ZNF667: variants seen among roughly 807,000 people sequenced by gnomAD.
ZNF667 encodes myocardial ischemic preconditioning upregulated 1 ortholog.
In ZNF667, 13 loss-of-function variants were observed where a neutral mutation model predicts 31.8. That is an observed-to-expected ratio of 0.41 (90% CI 0.27 to 0.65). The LOEUF (loss-of-function observed/expected upper bound fraction) is 0.65, where lower values mean the gene tolerates loss of function less well. Among genes scored for constraint, ZNF667 ranks in the 30% least tolerant of loss-of-function variants. ZNF667 has a pLI of 0.32. For missense variants in ZNF667, 642 were observed against 725.6 expected (o/e 0.88, Z 1.32); for synonymous variants, 228 against 247.1 (o/e 0.92, Z 0.73).
chr19:56,443,515 G>A (rs974098585), intron 6 of ZNF667, among the ~76,000 whole-genome samples: 6 of 152,104 alleles, frequency 3.9e-5, no homozygotes, highest in South Asian at 2.1e-4. Flanking sequence ...TGTACATGAC[G>A]TTACTGTATT....
intron 6 of ZNF667, 96 bp downstream of exon 6, chr19:56,458,059 G>C: frequency 2.7e-6 from 3 of 1,092,870 alleles, no homozygotes; most frequent in Non-Finnish European, 4.2e-6. Flanking sequence ...ACTGTGAGAA[G>C]TAGATTTCTG....
intron 6 of ZNF667, chr19:56,449,676 C>G: frequency 7.1e-6 from 1 of 140,882 alleles, no homozygotes; most frequent in Non-Finnish European, 1.5e-5. Flanking sequence ...CAGAGAGAAA[C>G]TCTGTCTCAA....
In ZNF667 at chr19:56,441,375, T is replaced by G; in HGVS notation, c.1620A>C (p.Thr540=). 3 of 1,614,202 alleles carry G rather than the reference T, an allele frequency of 1.9e-6. No homozygotes were observed. ...GACTTCTTTCATGTAGAATAAGAGATGTGCGCTGACTAAAGGCCTTACCAC... is the reference window on the plus strand; with the variant it reads ...GACTTCTTTCATGTAGAATAAGAGAGGTGCGCTGACTAAAGGCCTTACCAC... ...KTCGKAFSQR[T]SLILHERSHT... The change falls in exon 7 of 7, where the codon ACA becomes ACC. Residue 540 remains threonine, a synonymous_variant. Coordinates refer to ENST00000504904, the MANE Select transcript of ZNF667 (RefSeq NM_001321356.2). The surrounding 1 kb of genome is among the most constrained non-coding windows in gnomAD (Gnocchi z 4.2).
intron 6 of ZNF667, among the ~76,000 whole-genome samples, chr19:56,447,683 C>T (rs1005246881): frequency 6.6e-6 from 1 of 152,172 alleles, no homozygotes; most frequent in Non-Finnish European, 1.5e-5. Flanking sequence ...GAGTTCAAGA[C>T]TATCCTGACC....
At chr19:56,446,555 A>G (rs923166309) in intron 6 of ZNF667, among the ~76,000 whole-genome samples, 10 of 152,196 alleles carry the variant, frequency 6.6e-5, no homozygotes, top group African/African-American at 2.4e-4. Flanking sequence ...CACATAGTAT[A>G]TGACCTGTTC....
In ZNF667 at chr19:56,440,469, G is replaced by A. The variant is rs1439040391; in HGVS notation, c.*693C>T. The A allele has an allele frequency of 3.9e-5, 20 of 514,712 alleles. No homozygotes were observed. Among genetic ancestry groups the A allele is most frequent in the Non-Finnish European group, 5.0e-5 (20 of 400,152 alleles). 31.9% of individuals were successfully genotyped at this position (514,712 alleles called of 1,614,324 possible). A position where few individuals can be genotyped will look rare whatever the true frequency, so the allele number is the denominator to read the frequency against. Reference sequence around the variant, plus strand: ...TCAGCTGAAAGTGGCACCCTGTTTTGCCGAGAAGTTCCTTATATTTGATAA... The same window carrying A: ...TCAGCTGAAAGTGGCACCCTGTTTTACCGAGAAGTTCCTTATATTTGATAA... On this transcript the variant is annotated 3_prime_UTR_variant, in exon 7 of 7. Coordinates refer to ENST00000504904, the MANE Select transcript of ZNF667 (RefSeq NM_001321356.2).
At chr19:56,469,922 C>A in intron 3 of ZNF667, 1 of 493,270 alleles carries the variant, frequency 2.0e-6, no homozygotes, top group Admixed American at 2.1e-5. Flanking sequence ...ACCCACTAAA[C>A]CGGGGTAGGG....
intron 3 of ZNF667, among the ~76,000 whole-genome samples, chr19:56,467,427 A>G (rs2043187034): frequency 6.6e-6 from 1 of 152,292 alleles, no homozygotes; most frequent in South Asian, 2.1e-4. Flanking sequence ...CACCACAACA[A>G]TCCATGACCA....
At chr19:56,470,434 T>G (rs2043267593) in intron 3 of ZNF667, among the ~76,000 whole-genome samples, 1 of 152,170 alleles carries the variant, frequency 6.6e-6, no homozygotes, top group Admixed American at 6.5e-5. Context: ...TCCTTTAACC[T>G]TGAATGGCAA....
chr19:56,455,139 A>G (rs1369465997), intron 6 of ZNF667, among the ~76,000 whole-genome samples: 1 of 152,196 alleles, frequency 6.6e-6, no homozygotes, highest in Non-Finnish European at 1.5e-5. Flanking sequence ...ATCTCACCCC[A>G]GTTAAAATGA....
chr19:56,461,890 C>A (rs2043052143), intron 4 of ZNF667, among the ~76,000 whole-genome samples: 1 of 152,210 alleles, frequency 6.6e-6, no homozygotes, highest in Admixed American at 6.5e-5. Flanking sequence ...AAGAGATTTC[C>A]TCCATGTAAA....
chr19:56,441,979 A>C lies in ZNF667; in HGVS notation c.1016T>G (p.Phe339Cys). 1.2e-6 allele frequency: 2 copies of C among 1,614,008 alleles called. No homozygotes were observed. The highest frequency in any genetic ancestry group is 1.7e-6 in the Non-Finnish European group (2 of 1,179,946). The change falls in exon 7 of 7, where the codon TTT (phenylalanine) becomes TGT (cysteine). Residue 339 changes from phenylalanine (F) to cysteine (C), a missense_variant. Physicochemically the swap from Phe to Cys is radical, Grantham distance 205 (BLOSUM62 -2). Coordinates refer to ENST00000504904, the MANE Select transcript of ZNF667 (RefSeq NM_001321356.2). The surrounding 1 kb of genome is among the most constrained non-coding windows in gnomAD (Gnocchi z 4.2). ...AAGCATCAGGGGTGAAATCCTATTA[A>C]ATAATTTCCCACATTTTCTGCATTT... ...PFKCRKCGKL[F>C]NRISPLMLHQ...
chr19:56,469,341 G>T (rs1237181227), intron 3 of ZNF667, among the ~76,000 whole-genome samples: 1 of 152,178 alleles, frequency 6.6e-6, no homozygotes. Context: ...GCGGCCCCCA[G>T]TGGTGGTAAA....
intron 6 of ZNF667, among the ~76,000 whole-genome samples, chr19:56,445,194 T>C (rs1346611253): frequency 9.8e-3 from 6 of 614 alleles, no homozygotes; most frequent in Admixed American, 0.012. Flanking sequence ...TGGTGAGAAA[T>C]CCACCCCCAT....
intron 3 of ZNF667, among the ~76,000 whole-genome samples, chr19:56,462,861 T>C (rs1195340324): frequency 6.6e-6 from 1 of 152,028 alleles, no homozygotes; most frequent in Non-Finnish European, 1.5e-5. Context: ...CTATGAAGAA[T>C]AAACAGGCCA....
At chr19:56,468,035 T>TG (rs1412643512) in intron 3 of ZNF667, 1 of 152,214 alleles carries the variant, frequency 6.6e-6, no homozygotes, top group Non-Finnish European at 1.5e-5. Flanking sequence ...AGTCCTGCCT[T>TG]GGTCTTCCTG....
rs758970811 is a variant in ZNF667 at position 56,442,051 on chromosome 19, A to G, written c.944T>C (p.Leu315Ser). 6 of 1,614,170 alleles carry G rather than the reference A, an allele frequency of 3.7e-6. No individual in the cohort carries two copies. The highest frequency in any genetic ancestry group is 1.7e-5 in the Admixed American group (1 of 60,032). ...GEKIPENAKA[L>S]SQSLQQRSHH... ...ACTTCTTTGCTGTAGACTCTGACTT[A>G]AGGCCTTCGCATTTTCAGGGATTTT... is the stretch of plus-strand genomic sequence containing the variant. Residue 315 changes from leucine (L) to serine (S), a missense_variant, in exon 7 of 7, where the codon TTA becomes TCA. Leu to Ser is a moderately radical substitution (Grantham distance 145). Transcript: ENST00000504904.
intron 3 of ZNF667, among the ~76,000 whole-genome samples, chr19:56,464,586 T>C (rs2043119411): frequency 6.6e-6 from 1 of 152,372 alleles, no homozygotes; most frequent in Admixed American, 6.5e-5. Context: ...TGTAAAATTA[T>C]CAGCCTCACA....
At chr19:56,467,105 T>C (rs1030429322) in intron 3 of ZNF667, 2 of 455,638 alleles carry the variant, frequency 4.4e-6, no homozygotes, top group East Asian at 7.0e-5. Context: ...AGGTGAGCCA[T>C]GGTCCAGGAG....
Sources: gnomAD v4.1 joint callset for allele counts (sites outside exome capture counted in the v4.1 genomes callset) on GRCh38, gnomAD v4.1.1 for gene constraint, Gnocchi (gnomAD v3.1) non-coding constraint, MANE v1.5 for transcripts, NCBI Gene and HGNC (gene_info 2026-07-23, HGNC 2026-07-21) for gene names.